Variants in CFAP61 observed in about 807,000 individuals in gnomAD.
The protein encoded by CFAP61 is cilia and flagella associated protein 61.
CFAP61 carries 107 observed loss-of-function variants against 135.6 expected under a neutral mutation model. That is an observed-to-expected ratio of 0.79 (90% CI 0.67 to 0.93). CFAP61 has a LOEUF of 0.93. Ranked by LOEUF, CFAP61 falls within the 40% of genes least tolerant of loss-of-function variation. The pLI, the probability that CFAP61 is intolerant of heterozygous loss-of-function variation, is 0.00. For synonymous variants in CFAP61, 575 were observed against 578.5 expected, an observed-to-expected ratio of 0.99 and a Z score of 0.09; for missense variants, 1,507 against 1,556.2, an observed-to-expected ratio of 0.97 and a Z score of 0.53.
intron 25 of CFAP61, among the ~76,000 whole-genome samples, chr20:20,328,094 G>T (rs1456731328): frequency 6.6e-6 from 1 of 152,168 alleles, no homozygotes; most frequent in South Asian, 2.1e-4. Context: ...CTAAGTACAG[G>T]ATGTTTGAGG....
Position 20,360,349 on chromosome 20 carries a change from T to C in CFAP61, c.3653T>C (p.Leu1218Pro). 6.2e-7 allele frequency: 1 copy of C among 1,613,904 alleles called. No homozygotes were observed. The highest frequency in any genetic ancestry group is 1.1e-5 in the South Asian group (1 of 91,078). The change falls in exon 27 of 27, where the codon CTT becomes CCT. Residue 1218 changes from leucine to proline, a missense_variant. By Grantham distance (98) the Leu-to-Pro change is moderately conservative. Transcript: ENST00000245957. ...AAAACCCTGGTGGAGAGAAGCACTC[T>C]TGACTACCTGCACTATAACCGCTAC... ...IYKTLVERSTLDYLHYNRYHL... is the reference protein window; with the variant it reads ...IYKTLVERSTPDYLHYNRYHL...
intron 6 of CFAP61, chr20:20,085,603 T>G: frequency 1.0e-6 from 1 of 968,934 alleles, no homozygotes; most frequent in Non-Finnish European, 1.5e-6. Flanking sequence ...GCTCTGGGTC[T>G]TTCGGAACCT....
intron 8 of CFAP61, among the ~76,000 whole-genome samples, chr20:20,132,864 T>C (rs1318977826): frequency 6.6e-6 from 1 of 152,158 alleles, no homozygotes; most frequent in Non-Finnish European, 1.5e-5. Context: ...CTTCTATTTT[T>C]ACCCTTTCTA....
chr20:20,098,534 A>G (rs2047754948), intron 7 of CFAP61, 121 bp from the exon 8 acceptor site: 2 of 787,354 alleles, frequency 2.5e-6, no homozygotes, highest in East Asian at 5.7e-5. Context: ...GCTTGAACTG[A>G]GGAGGCGGAG....
Position 20,245,055 on chromosome 20 carries a change from G to A in CFAP61, c.2061-1062G>A, listed in dbSNP as rs749296500. On this transcript the variant is annotated intron_variant, in intron 18 of 26. Coordinates refer to ENST00000245957, the MANE Select transcript of CFAP61 (RefSeq NM_015585.4). The stretch of plus-strand genomic sequence containing the variant: ...CAGCCTGGACTTTATTGTCCATATC[G>A]CTATCAGCATTTTGGCCAAAGCCAT... 9.2e-5 allele frequency among the ~76,000 whole-genome samples: 14 copies of A among 152,176 alleles called. No homozygotes were observed. In the East Asian group the frequency reaches 9.7e-4, roughly 11 times the overall value.
chr20:20,284,917 G>GA (rs2054470121), intron 22 of CFAP61, among the ~76,000 whole-genome samples: 1 of 152,202 alleles, frequency 6.6e-6, no homozygotes. Flanking sequence ...CTTCCTTTTT[G>GA]AAAATCCAAG....
At chr20:20,175,640 C>T (rs1190242632) in intron 13 of CFAP61, among the ~76,000 whole-genome samples, 1 of 152,106 alleles carries the variant, frequency 6.6e-6, no homozygotes, top group East Asian at 1.9e-4. Context: ...CATTCTCCTG[C>T]CTCAGCCTCC....
At chr20:20,159,654 C>T (rs1270261343) in intron 10 of CFAP61, among the ~76,000 whole-genome samples, 1 of 152,190 alleles carries the variant, frequency 6.6e-6, no homozygotes, top group Admixed American at 6.5e-5. Flanking sequence ...TCTGTATCCT[C>T]TGCATGGCCT....
chr20:20,136,391 T>G (rs754395792), intron 8 of CFAP61, among the ~76,000 whole-genome samples: 1 of 152,128 alleles, frequency 6.6e-6, no homozygotes, highest in Non-Finnish European at 1.5e-5. Context: ...TTGAGGCTAT[T>G]TTCTAGACCC....
chr20:20,212,240 G>A (rs185446836), intron 17 of CFAP61, among the ~76,000 whole-genome samples: 1 of 152,120 alleles, frequency 6.6e-6, no homozygotes, highest in Non-Finnish European at 1.5e-5. Context: ...ATTCCAAAAC[G>A]ATCTCCAGGC....
At chr20:20,189,357 G>A (rs946218954) in intron 14 of CFAP61, among the ~76,000 whole-genome samples, 6 of 152,060 alleles carry the variant, frequency 3.9e-5, no homozygotes, top group African/African-American at 1.4e-4. Context: ...CTCAAAGTAT[G>A]GTCTAAGGAA....
At chr20:20,285,634 G>A (rs910928804) in intron 22 of CFAP61, among the ~76,000 whole-genome samples, 5 of 151,946 alleles carry the variant, frequency 3.3e-5, no homozygotes, top group African/African-American at 1.2e-4. Context: ...CCTCTAAATT[G>A]AGGCCAGACA....
intron 8 of CFAP61, among the ~76,000 whole-genome samples, chr20:20,123,760 C>A (rs1301391447): frequency 6.6e-6 from 1 of 151,494 alleles, no homozygotes; most frequent in Non-Finnish European, 1.5e-5. Context: ...TTTTCTAATT[C>A]TGTGAAGAAT....
rs189300664 is a variant in CFAP61, at chr20:20,200,853, G to A, written c.1932+951G>A. 120 of 985,372 alleles carry A rather than the reference G, an allele frequency of 1.2e-4. No homozygotes were observed. The African/African-American group carries it at 2.0e-3, about 16-fold the overall frequency. The allele number at this position is 985,372 out of a possible 1,614,324, so 61.0% of individuals were successfully genotyped here. On this transcript the variant is annotated intron_variant, in intron 17 of 26. Transcript: ENST00000245957. ...ACTTGTGCGTGCACTGAGGGATGGG[G>A]CGTACCTCCATCAGACCAACTCAGA...
rs75010053 is a variant in CFAP61 at position 20,341,853 on chromosome 20, C to G, written c.3445C>G (p.Leu1149Val). The G allele has an allele frequency of 3.1e-6, 5 of 1,613,648 alleles. No individual in the cohort carries two copies. Among genetic ancestry groups the G allele is most frequent in the Non-Finnish European group, 4.2e-6 (5 of 1,179,972 alleles). ...LYSYFTEPWCLALFHDRFIDL... is the reference protein window; with the variant it reads ...LYSYFTEPWCVALFHDRFIDL... ...CAGCTACTTCACCGAGCCGTGGTGCCTGGCCCTGTTCCACGATCGTTTTAT... is the reference window on the plus strand; with the variant it reads ...CAGCTACTTCACCGAGCCGTGGTGCGTGGCCCTGTTCCACGATCGTTTTAT... The change falls in exon 26 of 27, where the codon CTG becomes GTG. Residue 1149 changes from leucine (L) to valine (V), a missense_variant. Physicochemically the swap from Leu to Val is conservative, Grantham distance 32. Transcript: ENST00000245957.
At position 20,268,652 on chromosome 20, in the gene CFAP61, TCACAGGCTCAAATG is replaced by T. The variant is rs549587119; in HGVS notation, c.2503+5524_2503+5537del. 4.6e-5 allele frequency among the ~76,000 whole-genome samples: 7 copies of T among 152,288 alleles called. No individual in the cohort carries two copies. In the South Asian group the frequency reaches 1.0e-3, roughly 23 times the overall value. ...CTAGTGCCATGGAGAAGAGCTGACA[TCACAGGCTCAAATG>T]CTGCTTTCAACTGCAAACAAAACCT... On this transcript the variant is annotated intron_variant, in intron 21 of 26. Transcript: ENST00000245957.
chr20:20,084,221 TAC>T (rs35299495), intron 6 of CFAP61, among the ~76,000 whole-genome samples: 7,134 of 152,034 alleles, frequency 0.047, 552 homozygotes, highest in African/African-American at 0.16. Context: ...TTTCTTAAAA[TAC>T]ACACACACAC....
intron 13 of CFAP61, among the ~76,000 whole-genome samples, chr20:20,186,523 TTGAG>T (rs1335165111): frequency 6.6e-5 from 10 of 152,222 alleles, no homozygotes; most frequent in Non-Finnish European, 1.2e-4. Flanking sequence ...TTTAATTCGC[TTGAG>T]TATTTTTCTA....
chr20:20,096,005 C>T (rs925023490), intron 7 of CFAP61, among the ~76,000 whole-genome samples: 16 of 152,162 alleles, frequency 1.1e-4, no homozygotes, highest in Non-Finnish European at 1.9e-4. Flanking sequence ...ATTTACAGGA[C>T]AAGCAAGAAC....
Sources: gnomAD v4.1 joint callset for allele counts (sites outside exome capture counted in the v4.1 genomes callset) on GRCh38, gnomAD v4.1.1 for gene constraint, MANE v1.5 for transcripts, NCBI Gene and HGNC (gene_info 2026-07-23, HGNC 2026-07-21) for gene names.